The following NRXN1 variants were observed in gnomAD, a reference collection of about 807,000 sequenced individuals.
The protein encoded by NRXN1 is neurexin 1.
A neutral mutation model predicts 150.9 loss-of-function variants in NRXN1; 39 were observed. The ratio of observed to expected loss-of-function variants is 0.26; its 90% CI spans 0.20 to 0.34. The LOEUF is 0.34. Among genes scored for constraint, NRXN1 ranks in the 10% least tolerant of loss-of-function variants. NRXN1 has a pLI of 1.00. For missense variants in NRXN1, 1,815 were observed against 1,949.9 expected (o/e 0.93, Z 1.30); for synonymous variants, 924 against 757.0 (o/e 1.22, Z -3.62).
At chr2:50,862,073 G>A (rs1005304219) in intron 5 of NRXN1, among the ~76,000 whole-genome samples, 1 of 151,672 alleles carries the variant, frequency 6.6e-6, no homozygotes, top group African/African-American at 2.4e-5. Flanking sequence ...ATGGTGGTGG[G>A]CGCCTGTATT....
intron 16 of NRXN1, among the ~76,000 whole-genome samples, chr2:50,465,919 A>G (rs1573088755): frequency 1.3e-5 from 2 of 151,954 alleles, no homozygotes; most frequent in East Asian, 1.9e-4. Context: ...ATTCTGACCA[A>G]TGAATAGAGA....
chr2:50,222,520 G>C (rs201311762), intron 18 of NRXN1, among the ~76,000 whole-genome samples: 1 of 151,916 alleles, frequency 6.6e-6, no homozygotes, highest in African/African-American at 2.4e-5. Context: ...GGTTCGGCTT[G>C]TATGAATTTG....
chr2:50,695,559 G>T (rs181104101), intron 5 of NRXN1, among the ~76,000 whole-genome samples: 1 of 152,298 alleles, frequency 6.6e-6, no homozygotes, highest in East Asian at 1.9e-4. Context: ...ATTTGACAAA[G>T]AGATTAGACT....
intron 17 of NRXN1, among the ~76,000 whole-genome samples, chr2:50,397,400 C>G (rs1358629049): frequency 6.6e-6 from 1 of 152,024 alleles, no homozygotes; most frequent in Admixed American, 6.6e-5. Context: ...CAAAGAATGA[C>G]AAGCAGAACA....
intron 17 of NRXN1, among the ~76,000 whole-genome samples, chr2:50,400,880 GTGA>G (rs1410195619): frequency 6.6e-6 from 1 of 152,146 alleles, no homozygotes; most frequent in African/African-American, 2.4e-5. Flanking sequence ...AGGGCATGTT[GTGA>G]TGATATTTCA....
At chr2:49,946,587 A>G (rs1461552753) in intron 21 of NRXN1, among the ~76,000 whole-genome samples, 1 of 152,156 alleles carries the variant, frequency 6.6e-6, no homozygotes, top group Non-Finnish European at 1.5e-5. Flanking sequence ...GTCCGGTTTC[A>G]GTTTCCTGCA....
intron 5 of NRXN1, among the ~76,000 whole-genome samples, chr2:50,667,849 G>A (rs1194606755): frequency 6.6e-6 from 1 of 151,988 alleles, no homozygotes; most frequent in African/African-American, 2.4e-5. Flanking sequence ...ATAGTCTGAA[G>A]TTGGTTAAGC....
intron 15 of NRXN1, among the ~76,000 whole-genome samples, chr2:50,488,866 G>T (rs911680509): frequency 6.6e-6 from 1 of 152,192 alleles, no homozygotes; most frequent in African/African-American, 2.4e-5. Flanking sequence ...ATTCTAAGAA[G>T]ACAACGCATC....
intron 18 of NRXN1, among the ~76,000 whole-genome samples, chr2:50,205,799 T>C (rs2062527900): frequency 6.6e-6 from 1 of 152,092 alleles, no homozygotes. Flanking sequence ...CTGATACATG[T>C]TACAACATGG....
At chr2:50,590,819 CA>C (rs1674055350) in intron 8 of NRXN1, among the ~76,000 whole-genome samples, 3 of 152,038 alleles carry the variant, frequency 2.0e-5, no homozygotes, top group Admixed American at 6.6e-5. Context: ...TGTGAGAAAC[CA>C]ATATTTGTTG....
At chr2:50,902,350 TAGA>T (rs754297892) in intron 5 of NRXN1, among the ~76,000 whole-genome samples, 1 of 149,938 alleles carries the variant, frequency 6.7e-6, no homozygotes, top group Non-Finnish European at 1.5e-5. Context: ...GAGTTTAGAA[TAGA>T]AGAAGAACAA....
intron 2 of NRXN1, among the ~76,000 whole-genome samples, chr2:50,995,865 C>G (rs936038501): frequency 6.6e-6 from 1 of 152,048 alleles, no homozygotes; most frequent in African/African-American, 2.4e-5. Context: ...GCTTTAATCT[C>G]CAGCTGTCTT....
chr2:50,750,993 A>C (rs1007413748), intron 5 of NRXN1, among the ~76,000 whole-genome samples: 4 of 151,960 alleles, frequency 2.6e-5, no homozygotes, highest in African/African-American at 9.7e-5. Context: ...AATTTTGAAA[A>C]AATAAGACAA....
chr2:50,561,262 T>A (rs1214111627), intron 8 of NRXN1, among the ~76,000 whole-genome samples: 2 of 152,220 alleles, frequency 1.3e-5, no homozygotes, highest in African/African-American at 4.8e-5. Context: ...TTTCAGTGCA[T>A]ATGAGTATGT....
At chr2:50,932,487 A>T (rs547780930) in intron 2 of NRXN1, among the ~76,000 whole-genome samples, 1 of 152,180 alleles carries the variant, frequency 6.6e-6, no homozygotes, top group South Asian at 2.1e-4. Flanking sequence ...TAGGCCATTG[A>T]CATCAATGTT....
intron 21 of NRXN1, among the ~76,000 whole-genome samples, chr2:49,981,351 A>G (rs1042218271): frequency 7.9e-5 from 12 of 152,106 alleles, no homozygotes; most frequent in African/African-American, 2.9e-4. Flanking sequence ...GGACAAGTCC[A>G]TCAGAAGAAA....
intron 5 of NRXN1, among the ~76,000 whole-genome samples, chr2:50,754,929 C>A (rs1052363568): frequency 6.6e-6 from 1 of 151,830 alleles, no homozygotes; most frequent in Non-Finnish European, 1.5e-5. Context: ...GCTTTCATTT[C>A]ACAAGTTGGT....
chr2:50,965,349 C>T (rs537842317), intron 2 of NRXN1, among the ~76,000 whole-genome samples: 1 of 150,878 alleles, frequency 6.6e-6, no homozygotes, highest in Non-Finnish European at 1.5e-5. Context: ...AGAAAAATAA[C>T]AGATTGTCAT....
At chr2:50,976,686 T>C (rs540329110) in intron 2 of NRXN1, among the ~76,000 whole-genome samples, 8 of 151,990 alleles carry the variant, frequency 5.3e-5, no homozygotes, top group African/African-American at 1.9e-4. Context: ...TGTAACCATG[T>C]GTACATTTCA....
Sources: allele counts gnomAD v4.1 joint callset (sites outside exome capture counted in the v4.1 genomes callset), GRCh38; gene constraint gnomAD v4.1.1; transcripts MANE v1.5; gene names NCBI Gene and HGNC (gene_info 2026-07-23, HGNC 2026-07-21).